The following LSAMP variants were observed in gnomAD, a reference collection of about 807,000 sequenced individuals.
LSAMP encodes limbic system-associated membrane protein.
A neutral mutation model predicts 38.6 loss-of-function variants in LSAMP; 7 were observed. The observed-to-expected ratio is 0.18, with a 90% CI of 0.10 to 0.34. LSAMP has a LOEUF of 0.34. LSAMP is among the 10% of genes least tolerant of loss of function. The pLI is 1.00. For synonymous variants in LSAMP, 154 were observed against 166.8 expected (o/e 0.92, Z 0.59); for missense variants, 313 against 420.0 (o/e 0.75, Z 2.23).
chr3:116,031,512 T>A (rs993130132), intron 2 of LSAMP, among the ~76,000 whole-genome samples: 5 of 148,652 alleles, frequency 3.4e-5, no homozygotes, highest in African/African-American at 1.3e-4. Context: ...TGTAATGATT[T>A]CATGCCTACA....
chr3:116,393,599 C>T (rs909878954), intron 1 of LSAMP, among the ~76,000 whole-genome samples: 3 of 152,106 alleles, frequency 2.0e-5, no homozygotes, highest in Non-Finnish European at 4.4e-5. Context: ...CCAGCAGGCC[C>T]GAACAAAAAC....
chr3:116,036,397 G>A (rs1048929991), intron 2 of LSAMP, among the ~76,000 whole-genome samples: 13 of 152,094 alleles, frequency 8.5e-5, no homozygotes, highest in African/African-American at 2.4e-4. Flanking sequence ...GACAGAGGCC[G>A]TCACCTTGTA....
At chr3:116,058,477 T>C (rs1055207713) in intron 2 of LSAMP, among the ~76,000 whole-genome samples, 1 of 149,044 alleles carries the variant, frequency 6.7e-6, no homozygotes, top group Non-Finnish European at 1.5e-5. Flanking sequence ...AAAAAAAAAA[T>C]TAAAAAGTTT....
chr3:116,241,578 A>G (rs1384073034), intron 1 of LSAMP, among the ~76,000 whole-genome samples: 2 of 152,166 alleles, frequency 1.3e-5, no homozygotes, highest in Non-Finnish European at 2.9e-5. Flanking sequence ...AAACAGATAG[A>G]TAGATAGATA....
chr3:116,153,994 A>C (rs1236419348), intron 1 of LSAMP, among the ~76,000 whole-genome samples: 3 of 152,144 alleles, frequency 2.0e-5, no homozygotes, highest in African/African-American at 7.2e-5. Flanking sequence ...CAATCTCCCA[A>C]AATATTTCAT....
rs1451592530 is a variant in LSAMP, at chr3:115,808,479, TAAC to T, written c.*1835_*1837del. On this transcript the variant is annotated 3_prime_UTR_variant, in exon 7 of 7. Transcript: ENST00000490035. ...CTAAGAAATCCTTCTGGTGATGTGG[TAAC>T]ACCAAGCTTTGTGGTACTCATAAAA... 6.6e-6 allele frequency: 1 copy of T among 152,086 alleles called. No homozygotes were observed. Among genetic ancestry groups the T allele is most frequent in the Non-Finnish European group, 1.5e-5 (1 of 68,016 alleles). The allele number at this position is 152,086 out of a possible 1,614,324, so 9.4% of individuals were successfully genotyped here.
intron 3 of LSAMP, among the ~76,000 whole-genome samples, chr3:115,950,459 A>G (rs1938245707): frequency 1.3e-5 from 2 of 152,210 alleles, no homozygotes; most frequent in Non-Finnish European, 1.5e-5. Context: ...GCTGAGAATT[A>G]AATCAAAATG....
chr3:116,111,449 A>C (rs2107471185), intron 1 of LSAMP, among the ~76,000 whole-genome samples: 1 of 152,320 alleles, frequency 6.6e-6, no homozygotes, highest in South Asian at 2.1e-4. Flanking sequence ...TTAATACCTC[A>C]TTTCCATCAA....
intron 1 of LSAMP, among the ~76,000 whole-genome samples, chr3:116,160,066 G>A (rs1234119219): frequency 1.3e-5 from 2 of 152,074 alleles, no homozygotes; most frequent in Non-Finnish European, 2.9e-5. Flanking sequence ...ACAGACACTG[G>A]GGCCTACTCA....
intron 1 of LSAMP, among the ~76,000 whole-genome samples, chr3:116,219,211 C>G (rs1316673002): frequency 6.6e-6 from 1 of 152,138 alleles, no homozygotes; most frequent in African/African-American, 2.4e-5. Flanking sequence ...GTATTTGTCT[C>G]TCTGTGACTG....
intron 1 of LSAMP, among the ~76,000 whole-genome samples, chr3:116,305,469 C>G (rs1465290297): frequency 6.6e-6 from 1 of 151,958 alleles, no homozygotes; most frequent in Non-Finnish European, 1.5e-5. Context: ...ATGACAACCT[C>G]TAGTCTCATT....
chr3:115,928,823 G>C (rs1937530185), intron 3 of LSAMP, among the ~76,000 whole-genome samples: 1 of 152,112 alleles, frequency 6.6e-6, no homozygotes, highest in Non-Finnish European at 1.5e-5. Flanking sequence ...AGGAAATTGA[G>C]AGAAAATGGG....
chr3:116,123,756 T>C lies in LSAMP; in HGVS notation c.156-37200A>G, dbSNP rs182867209. Among the ~76,000 whole-genome samples the C allele has an allele frequency of 9.3e-4, 142 of 152,362 alleles. 1 individual carries two copies. The highest frequency in any genetic ancestry group is 3.2e-3 in the African/African-American group (132 of 41,592). On this transcript the variant is annotated intron_variant, in intron 1 of 6. Coordinates refer to ENST00000490035, the MANE Select transcript of LSAMP (RefSeq NM_002338.5). ...ACACGGTAGATATTAATCAGACTTATACAACCCATCTTTGGAGTATAGGCT... is the reference window on the plus strand; with the variant it reads ...ACACGGTAGATATTAATCAGACTTACACAACCCATCTTTGGAGTATAGGCT...
intron 1 of LSAMP, among the ~76,000 whole-genome samples, chr3:116,381,712 T>A (rs1047050652): frequency 2.6e-5 from 4 of 152,092 alleles, no homozygotes; most frequent in Non-Finnish European, 5.9e-5. Flanking sequence ...AGAGAGTGCA[T>A]TCCTTCCACA....
At chr3:116,064,431 C>T (rs1941647064) in intron 2 of LSAMP, among the ~76,000 whole-genome samples, 1 of 149,310 alleles carries the variant, frequency 6.7e-6, no homozygotes, top group African/African-American at 2.5e-5. Context: ...AGGAGAATCA[C>T]TTGAACCTGG....
At chr3:115,892,678 AACAG>A (rs1276567037) in intron 3 of LSAMP, among the ~76,000 whole-genome samples, 1 of 151,810 alleles carries the variant, frequency 6.6e-6, no homozygotes, top group Non-Finnish European at 1.5e-5. Flanking sequence ...ATACAATTAA[AACAG>A]ACACTTTTTA....
chr3:116,432,521 A>C (rs1156598024), intron 1 of LSAMP, among the ~76,000 whole-genome samples: 1 of 151,768 alleles, frequency 6.6e-6, no homozygotes, highest in Non-Finnish European at 1.5e-5. Context: ...TAATGTAAAC[A>C]TATTTTTAAA....
intron 1 of LSAMP, among the ~76,000 whole-genome samples, chr3:116,270,658 A>G (rs1281981509): frequency 2.0e-5 from 3 of 152,092 alleles, no homozygotes; most frequent in Non-Finnish European, 4.4e-5. Context: ...TGAACTGCCC[A>G]GGGGGCCTTA....
chr3:115,949,635 C>T (rs909111058), intron 3 of LSAMP, among the ~76,000 whole-genome samples: 6 of 151,896 alleles, frequency 4.0e-5, no homozygotes, highest in African/African-American at 7.3e-5. Context: ...AGATTCACAC[C>T]TGAAATTTCT....
Sources: allele counts gnomAD v4.1 joint callset (sites outside exome capture counted in the v4.1 genomes callset), GRCh38; gene constraint gnomAD v4.1.1; transcripts MANE v1.5; gene names NCBI Gene and HGNC (gene_info 2026-07-23, HGNC 2026-07-21).